Variants in AKAP6 observed in about 807,000 individuals in gnomAD.
AKAP6 encodes A-kinase anchor protein 6.
Under a neutral mutation model 188.5 loss-of-function variants are expected in AKAP6, and 58 were observed. The observed-to-expected ratio is 0.31, with a 90% CI of 0.25 to 0.38. AKAP6 has a LOEUF of 0.38. Ranked by LOEUF, AKAP6 falls within the 10% of genes least tolerant of loss-of-function variation. The pLI is 1.00. For synonymous variants in AKAP6, 989 were observed against 998.6 expected (o/e 0.99, Z 0.18); for missense variants, 2,710 against 2,740.0 (o/e 0.99, Z 0.24).
intron 11 of AKAP6, among the ~76,000 whole-genome samples, chr14:32,738,128 G>A (rs1229244359): frequency 6.6e-6 from 1 of 152,116 alleles, no homozygotes; most frequent in Non-Finnish European, 1.5e-5. Context: ...ACAAAATGCA[G>A]GAGAGTATGT....
chr14:32,787,139 T>G (rs1396988471), intron 12 of AKAP6, among the ~76,000 whole-genome samples: 1 of 152,202 alleles, frequency 6.6e-6, no homozygotes, highest in Non-Finnish European at 1.5e-5. Context: ...AATTACCACA[T>G]TTTAATTAGA....
intron 5 of AKAP6, among the ~76,000 whole-genome samples, chr14:32,583,715 A>G (rs1169779141): frequency 2.0e-5 from 3 of 152,110 alleles, no homozygotes; most frequent in Non-Finnish European, 4.4e-5. Context: ...GCTGCCTTGC[A>G]GTTTGATCTC....
At chr14:32,785,866 C>T (rs2033385320) in intron 12 of AKAP6, among the ~76,000 whole-genome samples, 1 of 151,990 alleles carries the variant, frequency 6.6e-6, no homozygotes, top group Admixed American at 6.6e-5. Context: ...ACACAAATTT[C>T]TCTTTAGTTT....
intron 4 of AKAP6, among the ~76,000 whole-genome samples, chr14:32,567,872 T>C (rs927742459): frequency 3.3e-5 from 5 of 152,120 alleles, no homozygotes; most frequent in African/African-American, 7.2e-5. Flanking sequence ...AGTGATTGAT[T>C]AGCCCTAGCA....
At chr14:32,554,722 G>C (rs147105565) in intron 4 of AKAP6, among the ~76,000 whole-genome samples, 283 of 152,284 alleles carry the variant, frequency 1.9e-3, no homozygotes, top group Non-Finnish European at 3.4e-3. Context: ...TATAAGGTGG[G>C]TAATTATTGA....
intron 2 of AKAP6, among the ~76,000 whole-genome samples, chr14:32,523,400 T>A (rs1881956352): frequency 6.6e-6 from 1 of 151,864 alleles, no homozygotes; most frequent in Non-Finnish European, 1.5e-5. Context: ...TGACCAGCAA[T>A]TACTAAAATA....
Position 32,822,615 on chromosome 14 carries a change from C to G in AKAP6, c.4802C>G (p.Thr1601Ser), listed in dbSNP as rs1206341239. 6.2e-7 allele frequency: 1 copy of G among 1,613,974 alleles called. No individual in the cohort carries two copies. Residue 1601 changes from threonine (T) to serine (S), a missense_variant, in exon 13 of 14, where the codon ACT becomes AGT. By Grantham distance (58) the Thr-to-Ser change is moderately conservative (BLOSUM62 1). Around this residue, in one of 2 missense-constraint regions of AKAP6, gnomAD observed 2,473 missense variants for 2,426.1 expected, o/e 1.02. Transcript: ENST00000280979. ...AGCACTTCTTTAGAAAGTTGGTTGA[C>G]TTCCTATAAAAGCAATGAAGATCTC... ...QRSTSLESWL[T>S]SYKSNEDLFS...
In AKAP6 at chr14:32,671,246, G is replaced by A. The variant is rs186509693; in HGVS notation, c.2731-7065G>A. Among the ~76,000 whole-genome samples, 186 of 152,216 alleles carry A rather than the reference G, an allele frequency of 1.2e-3. 1 individual carries two copies. The highest frequency in any genetic ancestry group is 4.2e-3 in the African/African-American group (175 of 41,538). On this transcript the variant is annotated intron_variant, in intron 7 of 13. Transcript: ENST00000280979. ...TCGTGCAAACACAAGCAAATGCCCC[G>A]AGAGCACACCCACCAGCCCTGCTGA... is the stretch of plus-strand genomic sequence containing the variant.
chr14:32,566,714 TC>T (rs1223757178), intron 4 of AKAP6, among the ~76,000 whole-genome samples: 1 of 152,218 alleles, frequency 6.6e-6, no homozygotes, highest in East Asian at 1.9e-4. Context: ...AATAGTGTAC[TC>T]AATTTGCTAA....
intron 12 of AKAP6, 51 bp from the exon 13 acceptor site, chr14:32,821,351 A>G (rs2034512850): frequency 2.6e-6 from 4 of 1,514,176 alleles, no homozygotes; most frequent in Non-Finnish European, 3.5e-6. Flanking sequence ...TAAAATTTTC[A>G]TGCTTGTGTT....
intron 9 of AKAP6, among the ~76,000 whole-genome samples, chr14:32,703,929 A>G (rs564955657): frequency 1.5e-4 from 23 of 152,318 alleles, no homozygotes; most frequent in African/African-American, 5.3e-4. Flanking sequence ...GTTATTTTTT[A>G]AAGTATCATC....
intron 5 of AKAP6, among the ~76,000 whole-genome samples, chr14:32,591,735 A>G (rs557275516): frequency 2.6e-5 from 4 of 151,696 alleles, no homozygotes; most frequent in African/African-American, 7.3e-5. Context: ...TCTCAAGAGT[A>G]CAGAGTTCTT....
intron 4 of AKAP6, among the ~76,000 whole-genome samples, chr14:32,549,692 C>T (rs1264702163): frequency 6.6e-6 from 1 of 152,182 alleles, no homozygotes; most frequent in African/African-American, 2.4e-5. Flanking sequence ...ACGTGGCTTA[C>T]CCTACTTAAG....
chr14:32,586,148 G>A (rs1233283727), intron 5 of AKAP6, among the ~76,000 whole-genome samples: 6 of 152,136 alleles, frequency 3.9e-5, no homozygotes, highest in Non-Finnish European at 5.9e-5. Context: ...GTATTTGAAG[G>A]ATATGCTGGT....
chr14:32,523,470 C>CT (rs1881961177), intron 2 of AKAP6, among the ~76,000 whole-genome samples: 1 of 146,658 alleles, frequency 6.8e-6, no homozygotes, highest in Admixed American at 6.7e-5. Context: ...CTCTCTCTCT[C>CT]TCTTTTTTTT....
At position 32,735,830 on chromosome 14, in the gene AKAP6, G is replaced by C. The variant is rs934726244; in HGVS notation, c.3320G>C (p.Arg1107Thr). Residue 1107 changes from arginine (R) to threonine (T), a missense_variant, in exon 11 of 14, where the codon AGA (arginine) becomes ACA (threonine). Physicochemically the swap from Arg to Thr is moderately conservative, Grantham distance 71. Around this residue, in one of 2 missense-constraint regions of AKAP6, gnomAD observed 2,473 missense variants for 2,426.1 expected, o/e 1.02. Transcript: ENST00000280979. ...CTTTTCATCTTCAATTCCTGTCTGA[G>C]ACAAGAAAAGGAAGGAACAATGAAT... The part of the protein sequence containing the change: ...TELFIFNSCL[R>T]QEKEGTMNTE... 1 of 1,613,024 alleles carries C rather than the reference G, an allele frequency of 6.2e-7. No homozygotes were observed. The highest frequency in any genetic ancestry group is 8.5e-7 in the Non-Finnish European group (1 of 1,179,598).
Position 32,490,012 on chromosome 14 carries a change from G to A in AKAP6, c.325-45542G>A, listed in dbSNP as rs1304161100. Among the ~76,000 whole-genome samples, 8 of 152,214 alleles carry A rather than the reference G, an allele frequency of 5.3e-5. No homozygotes were observed. In the East Asian group the frequency reaches 5.8e-4, roughly 11 times the overall value. On this transcript the variant is annotated intron_variant, in intron 2 of 13. Transcript: ENST00000280979. ...AGTGGAGTTAGGAGCAATGTTTTTC[G>A]GACAGGGGGTGGATCTCACAAAGTA...
chr14:32,656,491 T>C (rs1373085217), intron 7 of AKAP6, among the ~76,000 whole-genome samples: 3 of 152,164 alleles, frequency 2.0e-5, no homozygotes, highest in Non-Finnish European at 4.4e-5. Context: ...CAGCCAAAAC[T>C]GACTCACCTG....
chr14:32,443,046 G>C lies in AKAP6; in HGVS notation c.324+9229G>C, dbSNP rs538839723. On this transcript the variant is annotated intron_variant, in intron 2 of 13. Coordinates refer to ENST00000280979, the MANE Select transcript of AKAP6 (RefSeq NM_004274.5). The stretch of plus-strand genomic sequence containing the variant: ...TGATTTCAAGCTATGGCATGTGTTA[G>C]AGACCATGGTTCTCACCCTTGGCTG... Among the ~76,000 whole-genome samples, 132 of 151,784 alleles carry C rather than the reference G, an allele frequency of 8.7e-4. 3 individuals are homozygous for C. The South Asian group carries it at 0.026, about 30-fold the overall frequency.
Sources: gnomAD v4.1 joint callset for allele counts (sites outside exome capture counted in the v4.1 genomes callset) on GRCh38, gnomAD v4.1.1 for gene constraint, gnomAD v4.1.1 regional missense constraint, MANE v1.5 for transcripts, NCBI Gene and HGNC (gene_info 2026-07-23, HGNC 2026-07-21) for gene names.